The following TMTC1 variants were observed in gnomAD, a reference collection of about 807,000 sequenced individuals.
The protein encoded by TMTC1 is protein O-mannosyl-transferase TMTC1.
A neutral mutation model predicts 104.8 loss-of-function variants in TMTC1; 73 were observed. The ratio of observed to expected loss-of-function variants is 0.70; its 90% CI spans 0.58 to 0.85. The LOEUF is 0.85. Ranked by LOEUF, TMTC1 falls within the 40% of genes least tolerant of loss-of-function variation. The pLI is 0.00. For missense variants in TMTC1, 1,035 were observed against 1,096.1 expected (o/e 0.94, Z 0.79); for synonymous variants, 434 against 428.7 (o/e 1.01, Z -0.15).
intron 5 of TMTC1, among the ~76,000 whole-genome samples, chr12:29,643,674 T>TTATATAATATAA (rs1939030095): frequency 5.3e-4 from 5 of 9,406 alleles, no homozygotes; most frequent in African/African-American, 2.1e-3. Context: ...ATAATATATA[T>TTATATAATATAA]CTATATATTA....
chr12:29,550,843 T>C (rs1472927091), intron 10 of TMTC1, among the ~76,000 whole-genome samples: 4 of 146,626 alleles, frequency 2.7e-5, no homozygotes, highest in African/African-American at 7.7e-5. Flanking sequence ...GGGATGAGGA[T>C]GGTGTTATGA....
intron 10 of TMTC1, among the ~76,000 whole-genome samples, chr12:29,548,199 A>G (rs549160155): frequency 6.6e-6 from 1 of 152,226 alleles, no homozygotes. Flanking sequence ...ATAGAAGAGG[A>G]GAGAAATAGA....
intron 5 of TMTC1, among the ~76,000 whole-genome samples, chr12:29,650,722 C>T (rs189858196): frequency 2.6e-4 from 40 of 152,300 alleles, no homozygotes; most frequent in Admixed American, 7.2e-4. Flanking sequence ...TCTGAGCTTT[C>T]ACAAACAGGT....
At chr12:29,750,282 A>G (rs1943058423) in intron 5 of TMTC1, among the ~76,000 whole-genome samples, 1 of 152,100 alleles carries the variant, frequency 6.6e-6, no homozygotes, top group Non-Finnish European at 1.5e-5. Context: ...CACCTCATTC[A>G]GGAGGATTTG....
At chr12:29,672,815 T>G (rs1299548082) in intron 5 of TMTC1, among the ~76,000 whole-genome samples, 1 of 152,170 alleles carries the variant, frequency 6.6e-6, no homozygotes, top group South Asian at 2.1e-4. Context: ...ATCACTTGGC[T>G]GCACTGCAGA....
chr12:29,708,687 C>CATTCTAAA (rs1183576238), intron 5 of TMTC1, among the ~76,000 whole-genome samples: 10 of 152,306 alleles, frequency 6.6e-5, no homozygotes, highest in African/African-American at 2.4e-4. Context: ...TTGTTAAATA[C>CATTCTAAA]ATTCTAAAGA....
In TMTC1 at chr12:29,732,851, A is replaced by G. The variant is rs753388597; in HGVS notation, c.938+18815T>C. ...CACATCCCCTTTATGCAGGCTTCTC[A>G]TGCCATTTAAAGTCAGTCCAACAAC... On this transcript the variant is annotated intron_variant, in intron 5 of 17. Transcript: ENST00000539277. 5.3e-5 allele frequency among the ~76,000 whole-genome samples: 8 copies of G among 152,204 alleles called. No individual in the cohort carries two copies. The East Asian group carries it at 1.4e-3, about 26-fold the overall frequency.
intron 5 of TMTC1, among the ~76,000 whole-genome samples, chr12:29,722,712 G>A (rs933469491): frequency 6.6e-6 from 1 of 152,018 alleles, no homozygotes; most frequent in Non-Finnish European, 1.5e-5. Context: ...CTGAGGTCAG[G>A]AGTTCAAGAC....
In TMTC1 at chr12:29,556,942, C is replaced by T. The variant is rs1187150951; in HGVS notation, c.1591G>A (p.Ala531Thr). ...CTCTGATAGTACATCTTTGCCTCTG[C>T]TGTGTCTCTCGTCAGTGTTCCAAGG... ...NNLGTLTRDTAEAKMYYQRAL... is the reference protein window; with the variant it reads ...NNLGTLTRDTTEAKMYYQRAL... Residue 531 changes from alanine (A) to threonine (T), a missense_variant, in exon 10 of 18, where the codon GCA becomes ACA. Physicochemically the swap from Ala to Thr is moderately conservative, Grantham distance 58 (BLOSUM62 0). Coordinates refer to ENST00000539277, the MANE Select transcript of TMTC1 (RefSeq NM_001193451.2). 5.6e-6 allele frequency: 9 copies of T among 1,614,056 alleles called. No homozygotes were observed. Among genetic ancestry groups the T allele is most frequent in the Admixed American group, 1.7e-5 (1 of 60,010 alleles).
chr12:29,755,286 G>A (rs932087317), intron 4 of TMTC1, among the ~76,000 whole-genome samples: 1 of 152,192 alleles, frequency 6.6e-6, no homozygotes, highest in East Asian at 1.9e-4. Flanking sequence ...AGCATCATTA[G>A]AAGAGCAGGA....
rs1285914020 is a variant in TMTC1, at chr12:29,536,173, A to G, written c.1785+36T>C. The G allele has an allele frequency of 4.5e-6, 6 of 1,320,630 alleles. No homozygotes were observed. The Admixed American group carries it at 6.8e-5, about 15-fold the overall frequency. 81.8% of individuals were successfully genotyped at this position (1,320,630 alleles called of 1,614,324 possible). On this transcript the variant is annotated intron_variant, in intron 11 of 17. Coordinates refer to ENST00000539277, the MANE Select transcript of TMTC1 (RefSeq NM_001193451.2). ...GTAACATTAATTTATACATGTAACAATAACATTGAAAAAAACTACTGTGTG... is the reference window on the plus strand; with the variant it reads ...GTAACATTAATTTATACATGTAACAGTAACATTGAAAAAAACTACTGTGTG...
At chr12:29,623,197 AG>A (rs770824685) in intron 6 of TMTC1, among the ~76,000 whole-genome samples, 5 of 152,222 alleles carry the variant, frequency 3.3e-5, no homozygotes, top group Non-Finnish European at 1.5e-5. Context: ...AAAAATGTAG[AG>A]GAACAGATAT....
intron 5 of TMTC1, among the ~76,000 whole-genome samples, chr12:29,634,431 C>T (rs749997960): frequency 6.6e-6 from 1 of 152,156 alleles, no homozygotes; most frequent in Non-Finnish European, 1.5e-5. Flanking sequence ...GGGACCAATG[C>T]TCTGTAAGTC....
chr12:29,719,113 TAAATA>T (rs1942164796), intron 5 of TMTC1, among the ~76,000 whole-genome samples: 1 of 152,190 alleles, frequency 6.6e-6, no homozygotes, highest in South Asian at 2.1e-4. Context: ...TTTTTTGTGG[TAAATA>T]AAATAATAGT....
At chr12:29,698,373 C>G (rs1330931582) in intron 5 of TMTC1, among the ~76,000 whole-genome samples, 3 of 152,132 alleles carry the variant, frequency 2.0e-5, no homozygotes, top group East Asian at 1.9e-4. Context: ...GATTTTTGCC[C>G]TGTGTGTGTT....
At chr12:29,651,832 G>C (rs988061570) in intron 5 of TMTC1, among the ~76,000 whole-genome samples, 2 of 151,680 alleles carry the variant, frequency 1.3e-5, no homozygotes, top group Admixed American at 1.3e-4. Flanking sequence ...GGACAAAGGA[G>C]GAACAGAAAA....
In TMTC1 at chr12:29,692,128, A is replaced by T. The variant is rs1357721136; in HGVS notation, c.939-58792T>A. On this transcript the variant is annotated intron_variant, in intron 5 of 17. Coordinates refer to ENST00000539277, the MANE Select transcript of TMTC1 (RefSeq NM_001193451.2). ...ATGTTTTCAGTGTGCTTGTGTCTTT[A>T]TTCCCCACTGATAACATTACAAGAA... 2.7e-5 allele frequency among the ~76,000 whole-genome samples: 4 copies of T among 145,532 alleles called. 2 individuals carry two copies. In the East Asian group the frequency reaches 9.1e-4, roughly 33 times the overall value.
At chr12:29,624,570 C>G (rs1259232685) in intron 6 of TMTC1, among the ~76,000 whole-genome samples, 1 of 152,162 alleles carries the variant, frequency 6.6e-6, no homozygotes, top group Non-Finnish European at 1.5e-5. Context: ...GGGTCTAGTA[C>G]TTTCCTGCCT....
At chr12:29,750,856 G>A (rs1352795266) in intron 5 of TMTC1, among the ~76,000 whole-genome samples, 1 of 152,160 alleles carries the variant, frequency 6.6e-6, no homozygotes, top group East Asian at 1.9e-4. Flanking sequence ...ACTTTCCACT[G>A]GAATGATCCA....
Sources: gnomAD v4.1 joint callset for allele counts (sites outside exome capture counted in the v4.1 genomes callset) on GRCh38, gnomAD v4.1.1 for gene constraint, MANE v1.5 for transcripts, NCBI Gene and HGNC (gene_info 2026-07-23, HGNC 2026-07-21) for gene names.